VRK2: variants seen among roughly 807,000 people sequenced by gnomAD.
The protein encoded by VRK2 is serine/threonine-protein kinase VRK2.
Under a neutral mutation model 57.6 loss-of-function variants are expected in VRK2, and 60 were observed. The observed-to-expected ratio is 1.04, with a 90% CI of 0.85 to 1.29. The LOEUF is 1.29. Ranked by LOEUF, VRK2 falls within the 50% of genes most tolerant of loss-of-function variation. VRK2 has a pLI of 0.00. For missense variants in VRK2, 705 were observed against 588.1 expected, an observed-to-expected ratio of 1.20 and a Z score of -2.06; for synonymous variants, 231 against 199.2, an observed-to-expected ratio of 1.16 and a Z score of -1.35.
chr2:57,908,128 A>G (rs1014830493), intron 1 of VRK2, among the ~76,000 whole-genome samples: 3 of 152,220 alleles, frequency 2.0e-5, no homozygotes, highest in African/African-American at 7.2e-5. Context: ...ATCCAAAATC[A>G]GAAACCAAAA....
intron 1 of VRK2, among the ~76,000 whole-genome samples, chr2:57,911,586 T>C (rs938478818): frequency 6.6e-6 from 1 of 152,152 alleles, no homozygotes; most frequent in South Asian, 2.1e-4. Context: ...CCCTGATTCA[T>C]TCAAAGAGGT....
intron 1 of VRK2, among the ~76,000 whole-genome samples, chr2:57,977,985 T>C (rs770954658): frequency 2.0e-5 from 3 of 151,358 alleles, no homozygotes; most frequent in African/African-American, 4.9e-5. Flanking sequence ...CGTGTGACTT[T>C]TGTTTTTATT....
At chr2:58,061,877 G>A (rs1218448478) in intron 2 of VRK2, among the ~76,000 whole-genome samples, 2 of 151,938 alleles carry the variant, frequency 1.3e-5, no homozygotes, top group Non-Finnish European at 2.9e-5. Flanking sequence ...AGGTGTAGAG[G>A]TGAAAGGGGT....
At chr2:58,135,106 A>G (rs1558681551) in intron 9 of VRK2, 35 bp from the exon 10 acceptor site, 2 of 1,610,654 alleles carry the variant, frequency 1.2e-6, no homozygotes, top group Non-Finnish European at 8.5e-7. Context: ...AGGGTTGAAA[A>G]CATGTTCATT....
Position 57,993,711 on chromosome 2 carries a change from T to C in VRK2, c.-438-31954T>C, listed in dbSNP as rs140716301. 3.5e-3 allele frequency among the ~76,000 whole-genome samples: 533 copies of C among 152,356 alleles called. 4 individuals are homozygous for C. The highest frequency in any genetic ancestry group is 0.011 in the African/African-American group (446 of 41,590). On this transcript the variant is annotated intron_variant, in intron 1 of 15. Coordinates refer to the VRK2 transcript ENST00000417641. ...AATTAAGTTTTAACTCTGACATGAA[T>C]TGAACCTCTCTCTGGGGATGCTTCT... is the stretch of plus-strand genomic sequence containing the variant.
At chr2:57,938,610 C>T (rs1266348818) in intron 1 of VRK2, among the ~76,000 whole-genome samples, 2 of 152,052 alleles carry the variant, frequency 1.3e-5, no homozygotes, top group Admixed American at 1.3e-4. Flanking sequence ...TTACTTTTTA[C>T]TACTAACTTT....
chr2:58,074,950 G>C (rs1669878631), intron 2 of VRK2, among the ~76,000 whole-genome samples: 1 of 151,924 alleles, frequency 6.6e-6, no homozygotes, highest in Admixed American at 6.6e-5. Flanking sequence ...TTGTTACATG[G>C]GTAAATTGTG....
Position 58,094,370 on chromosome 2 carries a change from A to G in VRK2, c.543+4647A>G, listed in dbSNP as rs554710321. On this transcript the variant is annotated intron_variant, in intron 7 of 12. Coordinates refer to ENST00000340157, the MANE Select transcript of VRK2 (RefSeq NM_006296.7). ...CAGTGGTTTGTAGTTCTCCTTGAAGAGGTCCTTCACATCCCTTGTAAGTTG... is the reference window on the plus strand; with the variant it reads ...CAGTGGTTTGTAGTTCTCCTTGAAGGGGTCCTTCACATCCCTTGTAAGTTG... 3.3e-3 allele frequency among the ~76,000 whole-genome samples: 504 copies of G among 152,272 alleles called. 8 individuals carry two copies. The highest frequency in any genetic ancestry group is 0.012 in the African/African-American group (479 of 41,544).
chr2:58,118,770 G>A (rs1167985609), intron 7 of VRK2, among the ~76,000 whole-genome samples: 3 of 152,186 alleles, frequency 2.0e-5, no homozygotes, highest in African/African-American at 4.8e-5. Context: ...ATTTCACCTG[G>A]GTGCAGGCGG....
intron 1 of VRK2, among the ~76,000 whole-genome samples, chr2:57,970,693 CATA>C (rs1004711276): frequency 3.8e-4 from 57 of 151,988 alleles, no homozygotes; most frequent in Admixed American, 2.6e-3. Flanking sequence ...AATTGTCTTA[CATA>C]ATAATATCAT....
In VRK2 at chr2:58,159,493, A is replaced by G. The variant is rs138006413; in HGVS notation, c.1327A>G (p.Lys443Glu). ...HQDFTSPDIF[K>E]KSRSPSWYKY... is the part of the protein sequence containing the mutation. ...AGATTTTACCAGTCCAGATATATTCAAGAAGTCAAGATCTCCATCTTGGTA... is the reference window on the plus strand; with the variant it reads ...AGATTTTACCAGTCCAGATATATTCGAGAAGTCAAGATCTCCATCTTGGTA... The change falls in exon 13 of 13, where the codon AAG becomes GAG. Residue 443 changes from lysine (K) to glutamate (E), a missense_variant. Transcript: ENST00000340157. The G allele has an allele frequency of 3.7e-6, 6 of 1,613,720 alleles. No homozygotes were observed. The Admixed American group carries it at 1.0e-4, about 27-fold the overall frequency.
Position 58,147,618 on chromosome 2 carries a change from C to T in VRK2, c.1182+1144C>T, listed in dbSNP as rs577915713. On this transcript the variant is annotated intron_variant, in intron 12 of 12. Transcript: ENST00000340157. ...TTTTGGCTGTGGTGGCAATGAGATA[C>T]GTATATATAGATTTTATCACTTTGG... Among the ~76,000 whole-genome samples, 306 of 151,828 alleles carry T rather than the reference C, an allele frequency of 2.0e-3. 3 individuals are homozygous for T. Among genetic ancestry groups the T allele is most frequent in the African/African-American group, 7.0e-3 (291 of 41,468 alleles).
intron 1 of VRK2, among the ~76,000 whole-genome samples, chr2:57,912,316 T>A (rs906110980): frequency 6.6e-6 from 1 of 152,226 alleles, no homozygotes; most frequent in African/African-American, 2.4e-5. Context: ...AGTGATGACA[T>A]GGCTGGTGGA....
At chr2:58,149,996 CTTTT>C (rs55783668) in intron 12 of VRK2, among the ~76,000 whole-genome samples, 4 of 108,316 alleles carry the variant, frequency 3.7e-5, no homozygotes, top group Non-Finnish European at 5.8e-5. Context: ...TTTTTCTTTT[CTTTT>C]TTTTTTTTTT....
At chr2:58,130,068 A>C (rs565385699) in intron 8 of VRK2, among the ~76,000 whole-genome samples, 1 of 152,190 alleles carries the variant, frequency 6.6e-6, no homozygotes, top group Non-Finnish European at 1.5e-5. Flanking sequence ...CAGAAATCTA[A>C]ATGACTTGTC....
chr2:58,002,338 T>C (rs138313956), intron 1 of VRK2, among the ~76,000 whole-genome samples: 3,658 of 152,012 alleles, frequency 0.024, 148 homozygotes, highest in African/African-American at 0.084. Context: ...ATTAGCCAGG[T>C]ATGGTGGCAT....
At chr2:58,151,492 G>A (rs1683019018) in intron 12 of VRK2, among the ~76,000 whole-genome samples, 1 of 151,396 alleles carries the variant, frequency 6.6e-6, no homozygotes, top group East Asian at 1.9e-4. Flanking sequence ...CTAGCATATA[G>A]TTGAGCCTCG....
At chr2:58,055,545 C>T (rs1676392180) in intron 2 of VRK2, among the ~76,000 whole-genome samples, 1 of 152,096 alleles carries the variant, frequency 6.6e-6, no homozygotes, top group Non-Finnish European at 1.5e-5. Flanking sequence ...GAGTTACTCT[C>T]CTGCAAGTGC....
chr2:58,051,992 A>G (rs763041795), intron 2 of VRK2, among the ~76,000 whole-genome samples: 9 of 152,198 alleles, frequency 5.9e-5, no homozygotes, highest in Non-Finnish European at 1.2e-4. Context: ...TGAATGAAAA[A>G]GTTTTTTAAA....
Sources: allele counts gnomAD v4.1 joint callset (sites outside exome capture counted in the v4.1 genomes callset), GRCh38; gene constraint gnomAD v4.1.1; transcripts MANE v1.5; gene names NCBI Gene and HGNC (gene_info 2026-07-23, HGNC 2026-07-21).